Variants in FBXL17 observed in about 807,000 individuals in gnomAD.
FBXL17 encodes the protein F-box/LRR-repeat protein 17.
A neutral mutation model predicts 66.2 loss-of-function variants in FBXL17; 22 were observed. That is an observed-to-expected ratio of 0.33 (90% CI 0.24 to 0.47). FBXL17 has a LOEUF of 0.47. Ranked by LOEUF, FBXL17 falls within the 20% of genes least tolerant of loss-of-function variation. The pLI is 1.00. For synonymous variants in FBXL17, 474 were observed against 400.5 expected, an observed-to-expected ratio of 1.18 and a Z score of -2.19; for missense variants, 878 against 948.2, an observed-to-expected ratio of 0.93 and a Z score of 0.97.
In FBXL17 at chr5:108,233,862, T is replaced by C. The variant is rs922843514; in HGVS notation, c.1507-9634A>G. 2.0e-5 allele frequency among the ~76,000 whole-genome samples: 3 copies of C among 152,102 alleles called. No homozygotes were observed. In the East Asian group the frequency reaches 5.8e-4, roughly 29 times the overall value. ...AAACCTAAGGCAAATGAAAACCAGA[T>C]ACCCAGGGTGCAAAAGGGAAGAGGA... On this transcript the variant is annotated intron_variant, in intron 4 of 8. Transcript: ENST00000542267.
intron 7 of FBXL17, among the ~76,000 whole-genome samples, chr5:107,973,099 C>G (rs1370838042): frequency 6.6e-6 from 1 of 152,132 alleles, no homozygotes; most frequent in African/African-American, 2.4e-5. Context: ...CTGGGTCTGC[C>G]CTCACCAGCT....
intron 5 of FBXL17, among the ~76,000 whole-genome samples, chr5:108,208,626 C>G (rs148184021): frequency 6.6e-6 from 1 of 151,936 alleles, no homozygotes; most frequent in Non-Finnish European, 1.5e-5. Context: ...GTTGTAGATA[C>G]GTGGTGTTAT....
chr5:108,232,951 A>G (rs766492997), intron 4 of FBXL17, among the ~76,000 whole-genome samples: 4 of 150,998 alleles, frequency 2.6e-5, no homozygotes, highest in Non-Finnish European at 5.9e-5. Context: ...ACTGTTTCCA[A>G]TTTGGGGCTT....
chr5:108,323,749 T>A (rs1035924719), intron 4 of FBXL17, among the ~76,000 whole-genome samples: 1 of 151,954 alleles, frequency 6.6e-6, no homozygotes, highest in African/African-American at 2.4e-5. Flanking sequence ...AAGACAGACA[T>A]AGACCAAATG....
chr5:108,149,141 T>C (rs1362219632), intron 6 of FBXL17, among the ~76,000 whole-genome samples: 1 of 152,228 alleles, frequency 6.6e-6, no homozygotes, highest in Non-Finnish European at 1.5e-5. Context: ...ACAGTGTCTC[T>C]TGTAGGATGA....
At chr5:108,316,869 GTTA>G (rs1229453108) in intron 4 of FBXL17, among the ~76,000 whole-genome samples, 1 of 150,922 alleles carries the variant, frequency 6.6e-6, no homozygotes, top group Non-Finnish European at 1.5e-5. Context: ...AACTTTGTAA[GTTA>G]TTATACATCC....
chr5:108,330,346 T>C (rs1026339400), intron 4 of FBXL17, among the ~76,000 whole-genome samples: 3 of 151,262 alleles, frequency 2.0e-5, no homozygotes, highest in East Asian at 1.9e-4. Flanking sequence ...AGCTATACCA[T>C]TTTATCTTTA....
At chr5:108,157,052 T>C (rs1424376819) in intron 6 of FBXL17, among the ~76,000 whole-genome samples, 1 of 151,740 alleles carries the variant, frequency 6.6e-6, no homozygotes, top group African/African-American at 2.4e-5. Flanking sequence ...ATCTATTTTA[T>C]ACAATGAAAC....
chr5:108,177,932 T>TATATATATATATACAC (rs1242739302), intron 6 of FBXL17, among the ~76,000 whole-genome samples: 31 of 126,756 alleles, frequency 2.4e-4, no homozygotes, highest in South Asian at 9.7e-4. Flanking sequence ...TATATATATA[T>TATATATATATATACAC]ACACACACAC....
chr5:108,142,891 G>C (rs2149987947), intron 6 of FBXL17, among the ~76,000 whole-genome samples: 1 of 151,806 alleles, frequency 6.6e-6, no homozygotes, highest in East Asian at 1.9e-4. Flanking sequence ...GTAGATGACG[G>C]GTTGATGGGT....
intron 4 of FBXL17, among the ~76,000 whole-genome samples, chr5:108,275,472 T>C (rs1757446577): frequency 6.6e-6 from 1 of 152,188 alleles, no homozygotes; most frequent in Admixed American, 6.5e-5. Context: ...GAATGTAAAA[T>C]AGTAACCATG....
At chr5:108,054,656 A>G (rs73208828) in intron 6 of FBXL17, among the ~76,000 whole-genome samples, 7,276 of 152,128 alleles carry the variant, frequency 0.048, 581 homozygotes, top group African/African-American at 0.17. Context: ...CCTGGAATAG[A>G]GTGGTTATTA....
chr5:107,900,808 C>T lies in FBXL17; in HGVS notation c.1823-19629G>A, dbSNP rs181199133. ...TTTAGGTGACAATCTCTTTTTAAAG[C>T]GAACCCTATAAAAGGAGCAAGTTGC... On this transcript the variant is annotated intron_variant, in intron 7 of 8. Coordinates refer to ENST00000542267, the MANE Select transcript of FBXL17 (RefSeq NM_001163315.3). 3.0e-4 allele frequency among the ~76,000 whole-genome samples: 45 copies of T among 152,148 alleles called. 1 individual carries two copies. In the East Asian group the frequency reaches 6.8e-3, roughly 23 times the overall value.
rs201752049 is a variant in FBXL17, at chr5:107,871,057, C to CAAAAAAAAAAAAAAAAAAAAAAAAAA, written c.1966-9198_1966-9197insTTTTTTTTTTTTTTTTTTTTTTTTTT. On this transcript the variant is annotated intron_variant, in intron 8 of 8. Coordinates refer to ENST00000542267, the MANE Select transcript of FBXL17 (RefSeq NM_001163315.3). ...GGTAAGAAATATTACTCTTGGGCGG[C>CAAAAAAAAAAAAAAAAAAAAAAAAAA]AAAAAAAAAAAAAAAAAAAAAACCT... 1.7e-4 allele frequency among the ~76,000 whole-genome samples: 11 copies of CAAAAAAAAAAAAAAAAAAAAAAAAAA among 65,896 alleles called. 1 individual carries two copies. The highest frequency in any genetic ancestry group is 2.3e-4 in the African/African-American group (3 of 13,326). 43.2% of individuals were successfully genotyped at this position (65,896 alleles called of 152,430 possible). A position where few individuals can be genotyped will look rare whatever the true frequency, so the allele number is the denominator to read the frequency against.
intron 7 of FBXL17, among the ~76,000 whole-genome samples, chr5:107,954,363 G>C (rs1751592806): frequency 6.6e-6 from 1 of 152,110 alleles, no homozygotes; most frequent in Non-Finnish European, 1.5e-5. Context: ...ATTTAAAATA[G>C]CAATGACTTT....
At chr5:108,168,236 A>C (rs1426765959) in intron 6 of FBXL17, among the ~76,000 whole-genome samples, 1 of 152,172 alleles carries the variant, frequency 6.6e-6, no homozygotes, top group African/African-American at 2.4e-5. Context: ...TCACTTATAT[A>C]AATACTTAAA....
chr5:108,337,140 C>A (rs1760423287), intron 4 of FBXL17, among the ~76,000 whole-genome samples: 1 of 151,670 alleles, frequency 6.6e-6, no homozygotes. Context: ...CCTGTAGTCC[C>A]AGCTACTTGG....
At chr5:108,248,091 T>C (rs1405461891) in intron 4 of FBXL17, among the ~76,000 whole-genome samples, 3 of 152,198 alleles carry the variant, frequency 2.0e-5, no homozygotes, top group Admixed American at 2.0e-4. Context: ...GTTGCTCCTC[T>C]GGTTCCTAGG....
intron 6 of FBXL17, among the ~76,000 whole-genome samples, chr5:108,100,096 A>AT (rs1411874878): frequency 2.6e-5 from 4 of 152,176 alleles, no homozygotes; most frequent in Non-Finnish European, 5.9e-5. Flanking sequence ...TTATAGTATG[A>AT]TTTTTATATC....
Sources: gnomAD v4.1 joint callset for allele counts (sites outside exome capture counted in the v4.1 genomes callset) on GRCh38, gnomAD v4.1.1 for gene constraint, MANE v1.5 for transcripts, NCBI Gene and HGNC (gene_info 2026-07-23, HGNC 2026-07-21) for gene names.